ZNF462: variants seen among roughly 807,000 people sequenced by gnomAD.
ZNF462 encodes zinc finger PBX1-interacting protein.
A neutral mutation model predicts 201.9 loss-of-function variants in ZNF462; 10 were observed. The ratio of observed to expected loss-of-function variants is 0.05; its 90% CI spans 0.03 to 0.08. ZNF462 has a LOEUF of 0.08. ZNF462 is among the 10% of genes least tolerant of loss of function. ZNF462 has a pLI of 1.00. For synonymous variants in ZNF462, 1,227 were observed against 1,193.3 expected, an observed-to-expected ratio of 1.03 and a Z score of -0.58; for missense variants, 2,523 against 3,168.3, an observed-to-expected ratio of 0.80 and a Z score of 4.89.
chr9:106,865,795 AG>A lies in ZNF462; in HGVS notation c.-31+2442del, dbSNP rs1198761334. Among the ~76,000 whole-genome samples, 1 of 152,214 alleles carries A rather than the reference AG, an allele frequency of 6.6e-6. No individual in the cohort carries two copies. The highest frequency in any genetic ancestry group is 2.4e-5 in the African/African-American group (1 of 41,456). On this transcript the variant is annotated intron_variant, in intron 1 of 12. Coordinates refer to ENST00000277225, the MANE Select transcript of ZNF462 (RefSeq NM_021224.6). The surrounding 1 kb of genome is among the most constrained non-coding windows in gnomAD (Gnocchi z 4.1). The stretch of plus-strand genomic sequence containing the variant: ...ATTGGGAGGAATTTATTAATCATGT[AG>A]GAAGACATTTTGTGAGGATAATTTG...
Position 106,863,321 on chromosome 9 carries a change from C to T in ZNF462, c.-65C>T. On this transcript the variant is annotated 5_prime_UTR_variant, in exon 1 of 13. Transcript: ENST00000277225. ...ATAAGGAGGCGGTGGGGCTGGAGAA[C>T]CCGAAGCACCTCCCGGCGCCGGGAC... 1 of 398,074 alleles carries T rather than the reference C, an allele frequency of 2.5e-6. No homozygotes were observed. The highest frequency in any genetic ancestry group is 4.4e-6 in the Non-Finnish European group (1 of 225,688). The allele number at this position is 398,074 out of a possible 1,614,324, so 24.7% of individuals were successfully genotyped here. A position where few individuals can be genotyped will look rare whatever the true frequency, so the allele number is the denominator to read the frequency against.
chr9:106,864,154 G>T (rs1587962033), intron 1 of ZNF462, among the ~76,000 whole-genome samples: 2 of 148,476 alleles, frequency 1.3e-5, no homozygotes, highest in Non-Finnish European at 3.0e-5. Flanking sequence ...GTGTCGGGGG[G>T]TGGCTGCTGC....
chr9:106,873,912 C>A (rs1028158746), intron 1 of ZNF462, among the ~76,000 whole-genome samples: 5 of 152,278 alleles, frequency 3.3e-5, no homozygotes, highest in African/African-American at 1.2e-4. Flanking sequence ...AAAATCCTAA[C>A]ATTGCTATGG....
At chr9:106,945,896 A>G (rs370852059) in intron 7 of ZNF462, among the ~76,000 whole-genome samples, 6 of 152,206 alleles carry the variant, frequency 3.9e-5, no homozygotes, top group East Asian at 1.9e-4. Context: ...CAACCCTCCA[A>G]TATTATCACC....
rs1359195201 is a variant in ZNF462, at chr9:106,950,640, G to A, written c.6427+11533G>A. On this transcript the variant is annotated intron_variant, in intron 7 of 12. Transcript: ENST00000277225. This position sits in a 1 kb window ranked among gnomAD's most constrained non-coding sequence, Gnocchi z 4.1. The stretch of plus-strand genomic sequence containing the variant: ...CACAGGCAGACAGTGAAGTGTAAGT[G>A]CAGTTCCCTATTAGCACATTAAAAT... Among the ~76,000 whole-genome samples the A allele has an allele frequency of 6.6e-6, 1 of 152,164 alleles. No individual in the cohort carries two copies. The highest frequency in any genetic ancestry group is 2.4e-5 in the African/African-American group (1 of 41,440).
chr9:106,924,615 C>A lies in ZNF462; in HGVS notation c.703C>A (p.Pro235Thr). The stretch of plus-strand genomic sequence containing the variant: ...CAGCATCTTAGAGTCTATGGTCAAG[C>A]CTTTGACCAAATCTCGAGGCAACTT... ...ERSILESMVK[P>T]LTKSRGNFCC... The change falls in exon 3 of 13, where the codon CCT becomes ACT. Residue 235 changes from proline (P) to threonine (T), a missense_variant. Physicochemically the swap from Pro to Thr is conservative, Grantham distance 38 (BLOSUM62 -1). Around this residue, in one of 15 missense-constraint regions of ZNF462, gnomAD observed 480 missense variants for 544.4 expected, o/e 0.88. Transcript: ENST00000277225. The surrounding 1 kb of genome is among the most constrained non-coding windows in gnomAD (Gnocchi z 6.2). 1 of 1,614,122 alleles carries A rather than the reference C, an allele frequency of 6.2e-7. No homozygotes were observed. The highest frequency in any genetic ancestry group is 8.5e-7 in the Non-Finnish European group (1 of 1,180,020).
rs112200972 is a variant in ZNF462, at chr9:106,973,906, C to T, written c.6696-231C>T. 2.5e-3 allele frequency among the ~76,000 whole-genome samples: 380 copies of T among 152,070 alleles called. 3 individuals carry two copies. The highest frequency in any genetic ancestry group is 9.0e-3 in the African/African-American group (375 of 41,460). ...TTCTTTTCAAACTAAGCTCTGAACC[C>T]AGCCCAGGGCACAGTTTCCAGAAAG... On this transcript the variant is annotated intron_variant, in intron 8 of 12. Transcript: ENST00000277225.
chr9:106,922,031 G>T (rs1156559309), intron 1 of ZNF462, among the ~76,000 whole-genome samples: 1 of 152,222 alleles, frequency 6.6e-6, no homozygotes, highest in Non-Finnish European at 1.5e-5. Flanking sequence ...ATCAGGAGGA[G>T]CATTCTTTGA....
chr9:106,928,115 A>G lies in ZNF462; in HGVS notation c.4203A>G (p.Ser1401=), dbSNP rs1335312630. The G allele has an allele frequency of 6.2e-7, 1 of 1,614,096 alleles. No individual in the cohort carries two copies. The highest frequency in any genetic ancestry group is 8.5e-7 in the Non-Finnish European group (1 of 1,180,050). The change falls in exon 3 of 13, where the codon TCA becomes TCG. Residue 1401 remains serine, a synonymous_variant. Transcript: ENST00000277225. This position sits in a 1 kb window ranked among gnomAD's most constrained non-coding sequence, Gnocchi z 9.3. ...CCTGGGCCATGAATGGTGATGAGTC[A>G]GTGCTACTGGACATCATCAAGGAGA... The part of the protein sequence containing the change: ...FHPWAMNGDE[S]VLLDIIKEKD...
intron 1 of ZNF462, among the ~76,000 whole-genome samples, chr9:106,878,865 G>T (rs574397995): frequency 6.6e-6 from 1 of 152,312 alleles, no homozygotes; most frequent in African/African-American, 2.4e-5. Context: ...CTTGTTCTCT[G>T]TTGGTGTGAA....
chr9:106,888,562 TGGC>T (rs537402798), intron 1 of ZNF462, among the ~76,000 whole-genome samples: 1 of 150,430 alleles, frequency 6.6e-6, no homozygotes, highest in South Asian at 2.1e-4. Context: ...TTGCCCATCT[TGGC>T]CAGTTTGGAA....
Position 106,928,871 on chromosome 9 carries a change from C to T in ZNF462, c.4959C>T (p.His1653=). ...PVSTSHFSTS[H]LVSHTVFRCQ... is the part of the protein sequence containing the mutation. The stretch of plus-strand genomic sequence containing the variant: ...CCACTTCTCACTTCTCTACCTCCCA[C>T]CTGGTCTCCCACACTGTGTTCCGGT... The change falls in exon 3 of 13, where the codon CAC becomes CAT. Residue 1653 remains histidine (H), a synonymous_variant. Transcript: ENST00000277225. This position sits in a 1 kb window ranked among gnomAD's most constrained non-coding sequence, Gnocchi z 9.3. The T allele has an allele frequency of 1.2e-6, 2 of 1,614,098 alleles. No individual in the cohort carries two copies. The highest frequency in any genetic ancestry group is 1.7e-6 in the Non-Finnish European group (2 of 1,180,014).
In ZNF462 at chr9:107,006,993, C is replaced by G. The variant is rs768067196; in HGVS notation, c.7190-2552C>G. ...TTTCAAACCATTTCATGAGTATGTT[C>G]TTTACAATGATTTCTTAACATCTCT... On this transcript the variant is annotated intron_variant, in intron 11 of 12. Transcript: ENST00000277225. This position sits in a 1 kb window ranked among gnomAD's most constrained non-coding sequence, Gnocchi z 4.3. 4.6e-5 allele frequency among the ~76,000 whole-genome samples: 7 copies of G among 151,902 alleles called. No homozygotes were observed. The highest frequency in any genetic ancestry group is 8.8e-5 in the Non-Finnish European group (6 of 68,014).
intron 10 of ZNF462, among the ~76,000 whole-genome samples, chr9:106,992,315 C>A (rs1227278508): frequency 1.3e-5 from 2 of 152,050 alleles, no homozygotes; most frequent in East Asian, 3.9e-4. Context: ...CACTAGCTAG[C>A]ATGGCTAAAA....
In ZNF462 at chr9:106,966,886, T is replaced by A. The variant is rs1379488029; in HGVS notation, c.6428-5119T>A. 6.6e-6 allele frequency among the ~76,000 whole-genome samples: 1 copy of A among 152,138 alleles called. No individual in the cohort carries two copies. Among genetic ancestry groups the A allele is most frequent in the Non-Finnish European group, 1.5e-5 (1 of 68,006 alleles). On this transcript the variant is annotated intron_variant, in intron 7 of 12. Transcript: ENST00000277225. This position sits in a 1 kb window ranked among gnomAD's most constrained non-coding sequence, Gnocchi z 4.4. ...AATCTAGCTCAAATATAATTAAATG[T>A]ACTCGCTGGCACCAAGGTACTTCTG...
chr9:106,954,366 T>C lies in ZNF462; in HGVS notation c.6427+15259T>C, dbSNP rs888048861. 1.3e-5 allele frequency among the ~76,000 whole-genome samples: 2 copies of C among 152,058 alleles called. No homozygotes were observed. Among genetic ancestry groups the C allele is most frequent in the African/African-American group, 4.8e-5 (2 of 41,410 alleles). ...CCATCAGATCTTGTGATAACTCACT[T>C]ACTGTCACAAGAATAGCATGGAGGA... is the stretch of plus-strand genomic sequence containing the variant. On this transcript the variant is annotated intron_variant, in intron 7 of 12. Coordinates refer to ENST00000277225, the MANE Select transcript of ZNF462 (RefSeq NM_021224.6). This position sits in a 1 kb window ranked among gnomAD's most constrained non-coding sequence, Gnocchi z 4.0.
At position 106,972,770 on chromosome 9, in the gene ZNF462, G is replaced by A. The variant is rs1826694958; in HGVS notation, c.6695+498G>A. Among the ~76,000 whole-genome samples the A allele has an allele frequency of 6.6e-6, 1 of 152,144 alleles. No homozygotes were observed. The highest frequency in any genetic ancestry group is 1.5e-5 in the Non-Finnish European group (1 of 68,018). ...CCCTGGCACTTCCAACACTACACTT[G>A]AGCAATCATAGGGAGATTGCTCCAG... On this transcript the variant is annotated intron_variant, in intron 8 of 12. Coordinates refer to ENST00000277225, the MANE Select transcript of ZNF462 (RefSeq NM_021224.6). The surrounding 1 kb of genome is among the most constrained non-coding windows in gnomAD (Gnocchi z 4.8).
intron 1 of ZNF462, among the ~76,000 whole-genome samples, chr9:106,863,720 C>T (rs1377240649): frequency 6.6e-6 from 1 of 151,134 alleles, no homozygotes; most frequent in Non-Finnish European, 1.5e-5. Flanking sequence ...TAATTAATTT[C>T]GTGTAGTTCT....
At chr9:106,937,040 T>C (rs1362882360) in intron 6 of ZNF462, among the ~76,000 whole-genome samples, 1 of 152,232 alleles carries the variant, frequency 6.6e-6, no homozygotes, top group Non-Finnish European at 1.5e-5. Flanking sequence ...AAAAAGCCAG[T>C]ACCTTTTCTG....
Sources: allele counts gnomAD v4.1 joint callset (sites outside exome capture counted in the v4.1 genomes callset), GRCh38; gene constraint gnomAD v4.1.1; regional missense constraint gnomAD v4.1.1; non-coding constraint Gnocchi (gnomAD v3.1); transcripts MANE v1.5; gene names NCBI Gene and HGNC (gene_info 2026-07-23, HGNC 2026-07-21).